Variants in APBB2 observed in about 807,000 individuals in gnomAD.
APBB2 encodes the protein Fe65-like 1.
A neutral mutation model predicts 82.5 loss-of-function variants in APBB2; 38 were observed. The ratio of observed to expected loss-of-function variants is 0.46; its 90% CI spans 0.36 to 0.60. APBB2 has a LOEUF of 0.60. Among genes scored for constraint, APBB2 ranks in the 20% least tolerant of loss-of-function variants. The probability of loss-of-function intolerance (pLI) is 0.00; values close to 1 mark genes in which losing one functional copy is unlikely to be tolerated. For synonymous variants in APBB2, 341 were observed against 368.2 expected (o/e 0.93, Z 0.85); for missense variants, 772 against 972.3 (o/e 0.79, Z 2.74).
intron 4 of APBB2, among the ~76,000 whole-genome samples, chr4:41,046,071 T>C (rs1312707711): frequency 6.6e-6 from 1 of 152,206 alleles, no homozygotes; most frequent in Non-Finnish European, 1.5e-5. Flanking sequence ...ACCATATATC[T>C]TTAAAAAAAC....
intron 6 of APBB2, among the ~76,000 whole-genome samples, chr4:40,998,292 C>T (rs1319113050): frequency 6.6e-6 from 1 of 152,182 alleles, no homozygotes; most frequent in East Asian, 1.9e-4. Flanking sequence ...CTTCATAACT[C>T]ACTGAACCAA....
intron 12 of APBB2, among the ~76,000 whole-genome samples, chr4:40,841,310 G>C (rs1553933926): frequency 6.6e-6 from 1 of 152,120 alleles, no homozygotes; most frequent in Non-Finnish European, 1.5e-5. Context: ...TCTCCGCTTT[G>C]CCCAGCAGGA....
At chr4:40,831,139 C>A (rs192252354) in intron 12 of APBB2, among the ~76,000 whole-genome samples, 2 of 151,958 alleles carry the variant, frequency 1.3e-5, no homozygotes, top group African/African-American at 4.8e-5. Flanking sequence ...GTGGCTCATG[C>A]CTGTAATCCC....
intron 6 of APBB2, among the ~76,000 whole-genome samples, chr4:40,948,392 G>A (rs896872687): frequency 1.2e-4 from 18 of 152,044 alleles, no homozygotes; most frequent in Admixed American, 3.3e-4. Flanking sequence ...GAGACACAGC[G>A]AGGCCCCGTG....
At position 40,812,485 on chromosome 4, in the gene APBB2, T is replaced by TA. The variant is rs1203206391; in HGVS notation, c.*3606dup. ...GGTATCTTTGCCCTGAAGCTGAAGT[T>TA]AAACTTTCTACTGGCCGTGTGGCAC... On this transcript the variant is annotated 3_prime_UTR_variant, in exon 18 of 18. Coordinates refer to ENST00000508593, the MANE Select transcript of APBB2 (RefSeq NM_004307.2). 2 of 152,248 alleles carry TA rather than the reference T, an allele frequency of 1.3e-5. No individual in the cohort carries two copies. Among genetic ancestry groups the TA allele is most frequent in the Non-Finnish European group, 2.9e-5 (2 of 68,040 alleles). The allele number at this position is 152,248 out of a possible 1,614,324, so 9.4% of individuals were successfully genotyped here. A position where few individuals can be genotyped will look rare whatever the true frequency, so the allele number is the denominator to read the frequency against.
At chr4:40,915,185 C>T (rs1255302528) in intron 10 of APBB2, among the ~76,000 whole-genome samples, 1 of 152,144 alleles carries the variant, frequency 6.6e-6, no homozygotes, top group Non-Finnish European at 1.5e-5. Flanking sequence ...CCATGGGCTC[C>T]CCCCACCCTC....
At chr4:40,910,624 A>G (rs1778293374) in intron 10 of APBB2, among the ~76,000 whole-genome samples, 1 of 152,228 alleles carries the variant, frequency 6.6e-6, no homozygotes, top group Admixed American at 6.5e-5. Context: ...GGGATCCTTG[A>G]GATCAGGCCT....
At chr4:41,074,594 ATATTAT>A (rs200636926) in intron 3 of APBB2, among the ~76,000 whole-genome samples, 1 of 140,380 alleles carries the variant, frequency 7.1e-6, no homozygotes, top group Admixed American at 7.1e-5. Context: ...ATGAAGGCAA[ATATTAT>A]TATTATTATT....
chr4:40,837,706 T>C (rs939559642), intron 12 of APBB2, among the ~76,000 whole-genome samples: 3 of 152,206 alleles, frequency 2.0e-5, no homozygotes, highest in African/African-American at 7.2e-5. Flanking sequence ...TGCCCATACA[T>C]GGAGTCTCAC....
At chr4:41,067,455 G>C (rs1732328743) in intron 3 of APBB2, among the ~76,000 whole-genome samples, 1 of 151,748 alleles carries the variant, frequency 6.6e-6, no homozygotes, top group Admixed American at 6.6e-5. Context: ...GGAAGATTCA[G>C]GGGGAGATAC....
chr4:41,114,585 C>T (rs1201190190), intron 2 of APBB2, among the ~76,000 whole-genome samples: 1 of 152,178 alleles, frequency 6.6e-6, no homozygotes, highest in Admixed American at 6.5e-5. Flanking sequence ...ATCATTTCAG[C>T]CCAAAATCTC....
At chr4:40,825,612 T>A in intron 15 of APBB2, 1 of 375,540 alleles carries the variant, frequency 2.7e-6, no homozygotes, top group Non-Finnish European at 5.0e-6. Flanking sequence ...CGGCCCTGAG[T>A]CACACAGCTC....
chr4:41,196,792 T>G, intron 1 of APBB2, among the ~76,000 whole-genome samples: 1 of 152,082 alleles, frequency 6.6e-6, no homozygotes. Flanking sequence ...ATAATCCTCC[T>G]CTTCAAAAAT....
At chr4:41,085,371 G>T (rs895818037) in intron 3 of APBB2, among the ~76,000 whole-genome samples, 1 of 151,864 alleles carries the variant, frequency 6.6e-6, no homozygotes, top group African/African-American at 2.4e-5. Context: ...GAGAGATAAT[G>T]AATCTACATG....
At chr4:41,048,549 T>C (rs1724273686) in intron 4 of APBB2, among the ~76,000 whole-genome samples, 1 of 152,180 alleles carries the variant, frequency 6.6e-6, no homozygotes, top group Non-Finnish European at 1.5e-5. Flanking sequence ...CTGCCACATA[T>C]GTAGCAGGTG....
chr4:41,194,158 A>G, intron 1 of APBB2: 1 of 152,046 alleles, frequency 6.6e-6, no homozygotes, highest in East Asian at 1.9e-4. Flanking sequence ...ACAAAAAAAA[A>G]AAAAATTGTT....
intron 6 of APBB2, among the ~76,000 whole-genome samples, chr4:40,970,114 G>A (rs189817111): frequency 3.2e-4 from 48 of 152,228 alleles, no homozygotes; most frequent in African/African-American, 9.6e-4. Context: ...GGAAGCAACC[G>A]TTTATTCAAA....
chr4:40,840,312 G>C (rs1755386125), intron 12 of APBB2, among the ~76,000 whole-genome samples: 1 of 152,202 alleles, frequency 6.6e-6, no homozygotes, highest in Admixed American at 6.5e-5. Flanking sequence ...GTCTGTACAA[G>C]GTCTGGAGGA....
intron 1 of APBB2, among the ~76,000 whole-genome samples, chr4:41,186,935 C>A (rs1560984878): frequency 6.6e-6 from 1 of 152,152 alleles, no homozygotes. Flanking sequence ...CTTTGAAATG[C>A]AAACAAATAT....
Sources: gnomAD v4.1 joint callset for allele counts (sites outside exome capture counted in the v4.1 genomes callset) on GRCh38, gnomAD v4.1.1 for gene constraint, MANE v1.5 for transcripts, NCBI Gene and HGNC (gene_info 2026-07-23, HGNC 2026-07-21) for gene names.